The following CSMD1 variants were observed in gnomAD, a reference collection of about 807,000 sequenced individuals.
The protein encoded by CSMD1 is CUB and Sushi multiple domains 1.
CSMD1 carries 213 observed loss-of-function variants against 417.5 expected under a neutral mutation model. The ratio of observed to expected loss-of-function variants is 0.51; its 90% CI spans 0.46 to 0.57. The LOEUF is 0.57. Ranked by LOEUF, CSMD1 falls within the 20% of genes least tolerant of loss-of-function variation. CSMD1 has a pLI of 0.00. For synonymous variants in CSMD1, 2,862 were observed against 1,736.8 expected, an observed-to-expected ratio of 1.65 and a Z score of -16.11; for missense variants, 6,923 against 4,529.7, an observed-to-expected ratio of 1.53 and a Z score of -15.17.
intron 40 of CSMD1, among the ~76,000 whole-genome samples, chr8:3,149,946 G>C (rs1038309188): frequency 6.6e-6 from 1 of 152,120 alleles, no homozygotes; most frequent in Non-Finnish European, 1.5e-5. Context: ...CCTTAAGAGC[G>C]CTAGTGCTGT....
chr8:3,709,688 T>TGC lies in CSMD1; in HGVS notation c.932-1198_932-1197insGC, dbSNP rs1563296592. On this transcript the variant is annotated intron_variant, in intron 6 of 69. Coordinates refer to ENST00000635120, the MANE Select transcript of CSMD1 (RefSeq NM_033225.6). ...TTAAATTGCAGCAGCATGTTTTTTT[T>TGC]TTTTTTTTTTTTTTTTTTTTTCCCT... Among the ~76,000 whole-genome samples, 33 of 116,502 alleles carry TGC rather than the reference T, an allele frequency of 2.8e-4. 2 individuals are homozygous for TGC. The highest frequency in any genetic ancestry group is 8.3e-4 in the African/African-American group (27 of 32,386). 76.4% of individuals were successfully genotyped at this position (116,502 alleles called of 152,430 possible). A position where few individuals can be genotyped will look rare whatever the true frequency, so the allele number is the denominator to read the frequency against.
intron 4 of CSMD1, among the ~76,000 whole-genome samples, chr8:4,020,317 C>A (rs142310335): frequency 2.6e-5 from 4 of 152,228 alleles, no homozygotes; most frequent in African/African-American, 9.6e-5. Flanking sequence ...TGTTTCACCA[C>A]GACAAGCACT....
chr8:3,460,648 G>C (rs1253860366), intron 12 of CSMD1, among the ~76,000 whole-genome samples: 2 of 152,158 alleles, frequency 1.3e-5, no homozygotes, highest in Admixed American at 1.3e-4. Flanking sequence ...ATATTTACTA[G>C]ACGGAACTGA....
chr8:3,133,452 T>C (rs992294657), intron 41 of CSMD1, among the ~76,000 whole-genome samples: 4 of 152,148 alleles, frequency 2.6e-5, no homozygotes, highest in African/African-American at 9.7e-5. Context: ...TGGGGGTGCC[T>C]TGGCCTCAGG....
In CSMD1 at chr8:4,583,205, G is replaced by C. The variant is rs561121410; in HGVS notation, c.302+54137C>G. 3.3e-3 allele frequency among the ~76,000 whole-genome samples: 509 copies of C among 152,342 alleles called. 1 individual carries two copies. Among genetic ancestry groups the C allele is most frequent in the Non-Finnish European group, 5.4e-3 (368 of 68,034 alleles). ...GTCCCATCCACCACCCAAGGGCTGA[G>C]GAATGCGGGCACACGGCACAGGGAC... On this transcript the variant is annotated intron_variant, in intron 2 of 69. Transcript: ENST00000635120.
chr8:4,386,976 T>G (rs1309072539), intron 3 of CSMD1, among the ~76,000 whole-genome samples: 1 of 152,198 alleles, frequency 6.6e-6, no homozygotes, highest in Non-Finnish European at 1.5e-5. Context: ...GATTATCTAT[T>G]GTATGAATGA....
intron 7 of CSMD1, among the ~76,000 whole-genome samples, chr8:3,706,296 T>C (rs1400306611): frequency 1.3e-5 from 2 of 152,246 alleles, no homozygotes; most frequent in Non-Finnish European, 1.5e-5. Context: ...TGAACTTGAA[T>C]AAGGCATATA....
chr8:4,378,052 C>A (rs746660984), intron 3 of CSMD1, among the ~76,000 whole-genome samples: 3 of 152,060 alleles, frequency 2.0e-5, no homozygotes, highest in Non-Finnish European at 2.9e-5. Context: ...AGTGTAACAC[C>A]CACTACTCAT....
At chr8:4,140,890 G>A (rs539821214) in intron 3 of CSMD1, among the ~76,000 whole-genome samples, 2 of 151,166 alleles carry the variant, frequency 1.3e-5, no homozygotes, top group South Asian at 2.1e-4. Context: ...GATCGCCAAT[G>A]CACAGGCTCA....
intron 3 of CSMD1, among the ~76,000 whole-genome samples, chr8:4,309,040 C>G (rs1391574260): frequency 6.6e-6 from 1 of 152,072 alleles, no homozygotes; most frequent in Non-Finnish European, 1.5e-5. Flanking sequence ...TGATGTCATT[C>G]TTCACACCTA....
chr8:4,427,104 G>C (rs1212336740), intron 2 of CSMD1, among the ~76,000 whole-genome samples: 1 of 152,056 alleles, frequency 6.6e-6, no homozygotes, highest in Non-Finnish European at 1.5e-5. Context: ...CTCCTGGGAG[G>C]TCACCATCCT....
chr8:3,508,768 G>C (rs1796941263), intron 10 of CSMD1, among the ~76,000 whole-genome samples: 1 of 152,028 alleles, frequency 6.6e-6, no homozygotes, highest in Non-Finnish European at 1.5e-5. Flanking sequence ...CCGAATAGAG[G>C]ACAGAACGCC....
intron 3 of CSMD1, among the ~76,000 whole-genome samples, chr8:4,253,820 A>G (rs922587321): frequency 7.3e-5 from 11 of 151,270 alleles, no homozygotes; most frequent in African/African-American, 2.7e-4. Context: ...AATCAACACC[A>G]TTATTATCCT....
chr8:3,896,044 C>T (rs769594341), intron 5 of CSMD1, among the ~76,000 whole-genome samples: 10 of 152,200 alleles, frequency 6.6e-5, no homozygotes, highest in African/African-American at 9.7e-5. Context: ...GAAATGACTG[C>T]GGAGCGCTGG....
At chr8:3,519,936 C>A (rs2117443635) in intron 10 of CSMD1, among the ~76,000 whole-genome samples, 1 of 151,440 alleles carries the variant, frequency 6.6e-6, no homozygotes, top group African/African-American at 2.4e-5. Context: ...AAACTCAACG[C>A]TAATATAATT....
At chr8:3,936,547 G>T (rs1446250193) in intron 5 of CSMD1, among the ~76,000 whole-genome samples, 6 of 152,192 alleles carry the variant, frequency 3.9e-5, no homozygotes, top group African/African-American at 1.2e-4. Context: ...TCCATCAATG[G>T]AACAACAAAG....
At chr8:4,847,803 G>C (rs1027813676) in intron 1 of CSMD1, among the ~76,000 whole-genome samples, 2 of 145,130 alleles carry the variant, frequency 1.4e-5, no homozygotes, top group East Asian at 2.0e-4. Flanking sequence ...TTGACGGCTT[G>C]AGATATAAGT....
chr8:4,083,236 G>C (rs1800235600), intron 3 of CSMD1, among the ~76,000 whole-genome samples: 1 of 152,136 alleles, frequency 6.6e-6, no homozygotes, highest in Non-Finnish European at 1.5e-5. Context: ...CACCAACAGT[G>C]TAAAAGTGTT....
chr8:3,430,094 TAC>T (rs1172281939), intron 12 of CSMD1, among the ~76,000 whole-genome samples: 1 of 152,212 alleles, frequency 6.6e-6, no homozygotes, highest in Non-Finnish European at 1.5e-5. Flanking sequence ...TATACATATA[TAC>T]ACACATGCAC....
Sources: allele counts gnomAD v4.1 joint callset (sites outside exome capture counted in the v4.1 genomes callset), GRCh38; gene constraint gnomAD v4.1.1; transcripts MANE v1.5; gene names NCBI Gene and HGNC (gene_info 2026-07-23, HGNC 2026-07-21).